The following DCAF8L2 variants were observed in gnomAD, a reference collection of about 807,000 sequenced individuals.
The protein encoded by DCAF8L2 is DDB1- and CUL4-associated factor 8-like protein 2.
For synonymous variants in DCAF8L2, 200 were observed against 190.9 expected, an observed-to-expected ratio of 1.05 and a Z score of -0.39; for missense variants, 430 against 490.7, an observed-to-expected ratio of 0.88 and a Z score of 1.17.
the DCAF8L2 span, among the ~76,000 whole-genome samples, chrX:27,569,377 A>T: frequency 2.7e-5 from 3 of 112,248 alleles, no homozygotes; most frequent in Admixed American, 2.8e-4. Context: ...CAAAGTGATA[A>T]CTTGAATCTG....
the DCAF8L2 span, among the ~76,000 whole-genome samples, chrX:27,488,638 C>T: frequency 9.3e-6 from 1 of 108,093 alleles, no homozygotes; most frequent in Admixed American, 1.0e-4. Flanking sequence ...TGTCCTCCCA[C>T]TTGGTGTTTT....
upstream of DCAF8L2, among the ~76,000 whole-genome samples, chrX:27,587,496 A>G (rs757657050): frequency 2.0e-4 from 22 of 111,797 alleles, no homozygotes; most frequent in Non-Finnish European, 4.1e-4. Flanking sequence ...TTACACATTC[A>G]GTTCAGTTCA....
At chrX:27,669,316 A>G (rs1235373676) in intron 2 of DCAF8L2, among the ~76,000 whole-genome samples, 1 of 110,464 alleles carries the variant, frequency 9.1e-6, no homozygotes, top group East Asian at 2.9e-4. Context: ...CCCCAAAACT[A>G]TCACTGACTG....
the DCAF8L2 span, among the ~76,000 whole-genome samples, chrX:27,487,811 G>A: frequency 1.8e-5 from 2 of 111,426 alleles, no homozygotes; most frequent in African/African-American, 3.3e-5. Context: ...TAGCCAACCA[G>A]TAACCCATTG....
At chrX:27,470,313 C>T in the DCAF8L2 span, among the ~76,000 whole-genome samples, 2 of 112,065 alleles carry the variant, frequency 1.8e-5, no homozygotes, top group African/African-American at 6.5e-5. Context: ...CAGGGAGATA[C>T]AGCCTTCAAT....
chrX:27,506,978 T>TG, the DCAF8L2 span, among the ~76,000 whole-genome samples: 3 of 111,283 alleles, frequency 2.7e-5, no homozygotes, highest in Non-Finnish European at 5.7e-5. Context: ...AATAGCATTT[T>TG]TTTTCCCTTT....
chrX:27,494,733 G>A, the DCAF8L2 span, among the ~76,000 whole-genome samples: 15 of 111,858 alleles, frequency 1.3e-4, no homozygotes, highest in Admixed American at 1.1e-3. Context: ...CTCACAACTG[G>A]TATATTCTTA....
the DCAF8L2 span, among the ~76,000 whole-genome samples, chrX:27,577,629 C>A: frequency 3.6e-5 from 4 of 111,666 alleles, 1 homozygote; most frequent in Admixed American, 3.8e-4. Flanking sequence ...TTTTAGATGA[C>A]ATGATCTTAA....
intron 4 of DCAF8L2, among the ~76,000 whole-genome samples, chrX:27,719,422 C>T (rs184023504): frequency 3.9e-5 from 4 of 103,319 alleles, no homozygotes; most frequent in Non-Finnish European, 7.8e-5. Flanking sequence ...TTGTTAAGTA[C>T]CTCTTAAAAT....
the DCAF8L2 span, among the ~76,000 whole-genome samples, chrX:27,474,063 A>G: frequency 2.2e-4 from 24 of 110,911 alleles, no homozygotes; most frequent in Admixed American, 2.3e-3. Flanking sequence ...TCTGACTATA[A>G]ATGTGTCCCT....
intron 1 of DCAF8L2, chrX:27,627,565 G>GTGTA (rs1419550565): frequency 2.8e-5 from 3 of 107,680 alleles, no homozygotes; most frequent in Non-Finnish European, 5.7e-5. Context: ...GTGTGTGTGT[G>GTGTA]TGTGTGTGTG....
the DCAF8L2 span, among the ~76,000 whole-genome samples, chrX:27,551,701 A>G: frequency 5.6e-4 from 62 of 111,482 alleles, no homozygotes; most frequent in Non-Finnish European, 1.0e-3. Context: ...TCCATTATGT[A>G]TATACACCAT....
chrX:27,487,584 T>C, the DCAF8L2 span, among the ~76,000 whole-genome samples: 1 of 112,305 alleles, frequency 8.9e-6, no homozygotes, highest in Non-Finnish European at 1.9e-5. Flanking sequence ...CGCCCGGCCT[T>C]GATTTTACAT....
chrX:27,686,140 C>T (rs1469280442), intron 3 of DCAF8L2, among the ~76,000 whole-genome samples: 1 of 110,698 alleles, frequency 9.0e-6, no homozygotes, highest in Non-Finnish European at 1.9e-5. Flanking sequence ...CGGGTGGGAG[C>T]GCAGTGTAGT....
chrX:27,518,017 A>G, the DCAF8L2 span: 2 of 1,051,328 alleles, frequency 1.9e-6, no homozygotes, highest in South Asian at 3.8e-5. Context: ...TAAAAAGGTG[A>G]CACAGCAAGA....
chrX:27,729,288 T>G (rs1319947266), intron 4 of DCAF8L2, among the ~76,000 whole-genome samples: 1 of 111,538 alleles, frequency 9.0e-6, no homozygotes, highest in African/African-American at 3.3e-5. Flanking sequence ...TCATTTTAAT[T>G]GTATGGTTTG....
At chrX:27,494,405 CA>C in the DCAF8L2 span, among the ~76,000 whole-genome samples, 1 of 110,085 alleles carries the variant, frequency 9.1e-6, no homozygotes, top group East Asian at 2.9e-4. Context: ...GACTCCGTCT[CA>C]AAAATAAATA....
At chrX:27,517,968 T>G in the DCAF8L2 span, 1 of 1,193,098 alleles carries the variant, frequency 8.4e-7, no homozygotes, top group Non-Finnish European at 1.1e-6. Flanking sequence ...GGCTGCAGTA[T>G]GTAGACAGCA....
intron 1 of DCAF8L2, among the ~76,000 whole-genome samples, chrX:27,622,415 A>G (rs1302310038): frequency 9.2e-6 from 1 of 109,222 alleles, no homozygotes; most frequent in Admixed American, 9.8e-5. Flanking sequence ...ACTGAGCGAG[A>G]CTCCATCTAC....
Sources: allele counts gnomAD v4.1 joint callset (sites outside exome capture counted in the v4.1 genomes callset), GRCh38; gene constraint gnomAD v4.1.1; transcripts MANE v1.5; gene names NCBI Gene and HGNC (gene_info 2026-07-23, HGNC 2026-07-21).